SEC23A: variants seen among roughly 807,000 people sequenced by gnomAD.
SEC23A encodes the protein SEC23 homolog A, COPII component, also known as protein transport protein Sec23A.
A neutral mutation model predicts 103.7 loss-of-function variants in SEC23A; 56 were observed. That is an observed-to-expected ratio of 0.54 (90% confidence interval 0.44 to 0.67). SEC23A has a LOEUF of 0.67. SEC23A is among the 30% of genes least tolerant of loss of function. The probability of loss-of-function intolerance (pLI) is 0.00; values close to 1 mark genes in which losing one functional copy is unlikely to be tolerated. For missense variants in SEC23A, 784 were observed against 936.4 expected (o/e 0.84, Z 2.12); for synonymous variants, 281 against 293.0 (o/e 0.96, Z 0.42).
intron 1 of SEC23A, among the ~76,000 whole-genome samples, chr14:39,098,682 G>A (rs1390518303): frequency 2.0e-5 from 3 of 151,622 alleles, no homozygotes; most frequent in East Asian, 1.9e-4. Context: ...GCTAAGGCAG[G>A]AGAATCACTT....
At chr14:39,094,311 TATATATGC>T (rs1566514448) in intron 2 of SEC23A, among the ~76,000 whole-genome samples, 85 of 95,162 alleles carry the variant, frequency 8.9e-4, no homozygotes, top group East Asian at 1.8e-3. Flanking sequence ...CACATATACA[TATATATGC>T]ATATATACAC....
At chr14:39,037,160 T>C (rs1184252010) in intron 19 of SEC23A, among the ~76,000 whole-genome samples, 1 of 152,168 alleles carries the variant, frequency 6.6e-6, no homozygotes, top group African/African-American at 2.4e-5. Context: ...GCATTTACTG[T>C]GATGACTTTA....
chr14:39,041,505 A>C (rs1015861121), intron 17 of SEC23A: 1 of 128,426 alleles, frequency 7.8e-6, no homozygotes, highest in African/African-American at 2.9e-5. Context: ...TATTATTCTT[A>C]ACAAGTAAAG....
intron 14 of SEC23A, among the ~76,000 whole-genome samples, chr14:39,053,082 CCAAGGTTG>C (rs1263113737): frequency 6.6e-6 from 1 of 152,148 alleles, no homozygotes; most frequent in Non-Finnish European, 1.5e-5. Flanking sequence ...TGGCAGTGAG[CCAAGGTTG>C]CACCACTGCA....
At chr14:39,094,045 AG>A (rs1210656009) in intron 2 of SEC23A, among the ~76,000 whole-genome samples, 2 of 151,428 alleles carry the variant, frequency 1.3e-5, no homozygotes, top group Admixed American at 6.6e-5. Flanking sequence ...TTTTTGAGAC[AG>A]GGTCTCGTTC....
At chr14:39,094,765 AG>A in intron 2 of SEC23A, 1 of 456,644 alleles carries the variant, frequency 2.2e-6, no homozygotes, top group East Asian at 3.4e-5. Context: ...TTGTCAAGGT[AG>A]GAGTAAGTTT....
chr14:39,096,970 G>A (rs1263075773), intron 1 of SEC23A, among the ~76,000 whole-genome samples: 1 of 152,196 alleles, frequency 6.6e-6, no homozygotes, highest in Non-Finnish European at 1.5e-5. Flanking sequence ...TGCAAGTACA[G>A]GCTATTTGTG....
chr14:39,045,324 AC>A lies in SEC23A; in HGVS notation c.1738-1del, dbSNP rs1885792787. On this transcript the variant is annotated splice_acceptor_variant, in intron 15 of 19. Coordinates refer to ENST00000307712, the MANE Select transcript of SEC23A (RefSeq NM_006364.4). LOFTEE classifies it high-confidence loss of function. ...GAAGATCTTCTTAAATGAAACATAA[AC>A]TGTAAGATAAACACGTAAGATAGTT... is the stretch of plus-strand genomic sequence containing the variant. 1 of 1,601,134 alleles carries A rather than the reference AC, an allele frequency of 6.2e-7. No individual in the cohort carries two copies. The highest frequency in any genetic ancestry group is 8.6e-7 in the Non-Finnish European group (1 of 1,168,738).
intron 19 of SEC23A, among the ~76,000 whole-genome samples, chr14:39,037,314 T>C (rs1885494495): frequency 6.6e-6 from 1 of 152,120 alleles, no homozygotes; most frequent in South Asian, 2.1e-4. Context: ...AACCAAACAA[T>C]TTCTCTCCAC....
intron 5 of SEC23A, 122 bp from the exon 6 acceptor site, chr14:39,087,130 T>C (rs1445829555): frequency 2.9e-6 from 2 of 686,416 alleles, no homozygotes; most frequent in East Asian, 2.7e-5. Context: ...ATACAAGGTC[T>C]CCTTCCTCAG....
chr14:39,048,122 A>G (rs1279735932), intron 15 of SEC23A, among the ~76,000 whole-genome samples: 1 of 152,198 alleles, frequency 6.6e-6, no homozygotes, highest in African/African-American at 2.4e-5. Flanking sequence ...GGGTTCCAGA[A>G]TAAGTCTCTA....
chr14:39,092,431 A>AT, intron 4 of SEC23A, 110 bp downstream of exon 4: 1 of 739,110 alleles, frequency 1.4e-6, no homozygotes, highest in South Asian at 1.7e-5. Flanking sequence ...GAAATGTTCC[A>AT]TCAAATCAAT....
chr14:39,055,054 T>C (rs1566488778), intron 14 of SEC23A, 89 bp downstream of exon 14: 3 of 1,479,244 alleles, frequency 2.0e-6, no homozygotes, highest in Non-Finnish European at 2.8e-6. Context: ...AGATACACTG[T>C]TAAGTACTTT....
intron 15 of SEC23A, among the ~76,000 whole-genome samples, chr14:39,047,132 C>G (rs1885866240): frequency 6.6e-6 from 1 of 152,120 alleles, no homozygotes. Flanking sequence ...GATTATCAGA[C>G]TTTGAAAACC....
At chr14:39,053,095 A>T (rs1193896927) in intron 14 of SEC23A, among the ~76,000 whole-genome samples, 1 of 152,220 alleles carries the variant, frequency 6.6e-6, no homozygotes, top group Non-Finnish European at 1.5e-5. Context: ...AGGTTGCACC[A>T]CTGCACTCCA....
intron 1 of SEC23A, among the ~76,000 whole-genome samples, chr14:39,099,775 T>A (rs185650727): frequency 6.6e-6 from 1 of 152,306 alleles, no homozygotes; most frequent in African/African-American, 2.4e-5. Context: ...ACCTTTTAAT[T>A]TATTAATTAA....
intron 5 of SEC23A, chr14:39,090,964 C>A: frequency 3.0e-6 from 1 of 335,426 alleles, no homozygotes; most frequent in South Asian, 2.5e-5. Flanking sequence ...TGGACCTGCT[C>A]CAACAGTTGG....
In SEC23A at chr14:39,075,933, AC is replaced by A. The variant is rs1419414260; in HGVS notation, c.987+1del. 1 of 1,613,620 alleles carries A rather than the reference AC, an allele frequency of 6.2e-7. No homozygotes were observed. Among genetic ancestry groups the A allele is most frequent in the South Asian group, 1.1e-5 (1 of 91,062 alleles). On this transcript the variant is annotated splice_donor_variant, in intron 8 of 19. Transcript: ENST00000307712. LOFTEE classifies it high-confidence loss of function. The stretch of plus-strand genomic sequence containing the variant: ...GCAAAAATATTTAACAGTCAAAATT[AC>A]CTTAGTTCCCTTTTTAACATATTTG...
rs1886696737 is a variant in SEC23A at position 39,067,169 on chromosome 14, T to G, written c.1227+4A>C. On this transcript the variant is annotated splice_donor_region_variant and intron_variant, in intron 10 of 19. Coordinates refer to ENST00000307712, the MANE Select transcript of SEC23A (RefSeq NM_006364.4). ...TATCGCACATGTCAAGTTTTGGTTC[T>G]TACCTTTATTTCTAGCGTACCACCA... 6.2e-7 allele frequency: 1 copy of G among 1,613,786 alleles called. No homozygotes were observed. The highest frequency in any genetic ancestry group is 8.5e-7 in the Non-Finnish European group (1 of 1,179,866).
Sources: gnomAD v4.1 joint callset for allele counts (sites outside exome capture counted in the v4.1 genomes callset) on GRCh38, gnomAD v4.1.1 for gene constraint, MANE v1.5 for transcripts, NCBI Gene and HGNC (gene_info 2026-07-23, HGNC 2026-07-21) for gene names.